GJB7: variants seen among roughly 807,000 people sequenced by gnomAD.
GJB7 encodes the protein gap junction protein beta 7.
For missense variants in GJB7, 253 were observed against 256.8 expected (o/e 0.99, Z 0.10); for synonymous variants, 87 against 95.2 (o/e 0.91, Z 0.50).
chr6:87,294,658 C>A (rs1776224197), intron 2 of GJB7, among the ~76,000 whole-genome samples: 1 of 152,160 alleles, frequency 6.6e-6, no homozygotes, highest in Non-Finnish European at 1.5e-5. Context: ...TTTGTTCTGG[C>A]CTGAATAGGG....
At chr6:87,294,494 G>C (rs1776221814) in intron 2 of GJB7, among the ~76,000 whole-genome samples, 1 of 152,272 alleles carries the variant, frequency 6.6e-6, no homozygotes, top group Admixed American at 6.5e-5. Flanking sequence ...TGGCTGCAGT[G>C]ATGGAGGTAT....
chr6:87,305,224 G>A (rs538646363), intron 2 of GJB7, among the ~76,000 whole-genome samples: 1 of 152,128 alleles, frequency 6.6e-6, no homozygotes, highest in African/African-American at 2.4e-5. Context: ...TAGGAAAAGA[G>A]GAAGTCAAAT....
intron 2 of GJB7, among the ~76,000 whole-genome samples, chr6:87,291,680 C>T (rs1022731725): frequency 1.3e-5 from 2 of 152,200 alleles, no homozygotes; most frequent in Non-Finnish European, 2.9e-5. Context: ...GGCAGCTTAT[C>T]CAGAAAGAGC....
At chr6:87,301,504 G>C in intron 2 of GJB7, among the ~76,000 whole-genome samples, 1 of 152,162 alleles carries the variant, frequency 6.6e-6, no homozygotes, top group South Asian at 2.1e-4. Context: ...CATTGCTGAG[G>C]CTTGAGTAGG....
chr6:87,297,109 C>T lies in GJB7; in HGVS notation c.-27-12170G>A, dbSNP rs143763134. On this transcript the variant is annotated intron_variant, in intron 2 of 2. Transcript: ENST00000525899. ...TGTAATTTTTCCTTCATTGCACTTC[C>T]CCTCCTGTTAGATAGAGTTGGAGTG... Among the ~76,000 whole-genome samples the T allele has an allele frequency of 9.9e-5, 15 of 152,284 alleles. No individual in the cohort carries two copies. In the East Asian group the frequency reaches 2.5e-3, roughly 25 times the overall value.
At chr6:87,303,198 G>C (rs1252357022) in intron 2 of GJB7, among the ~76,000 whole-genome samples, 2 of 152,092 alleles carry the variant, frequency 1.3e-5, no homozygotes, top group African/African-American at 4.8e-5. Flanking sequence ...AATGTAAATG[G>C]GCTAAATGCT....
chr6:87,284,689 C>G lies in GJB7; in HGVS notation c.224G>C (p.Arg75Thr), dbSNP rs201413710. 1.1e-4 allele frequency: 184 copies of G among 1,614,042 alleles called. No individual in the cohort carries two copies. Among genetic ancestry groups the G allele is most frequent in the Non-Finnish European group, 1.5e-4 (180 of 1,180,020 alleles). Residue 75 changes from arginine (R) to threonine (T), a missense_variant, in exon 3 of 3, where the codon AGA becomes ACA. Physicochemically the swap from Arg to Thr is moderately conservative, Grantham distance 71. Transcript: ENST00000525899. The part of the protein sequence containing the change: ...FDDFFPISQV[R>T]LWALQLIMVS... ...CATTATCAGTTGTAAGGCCCAAAGT[C>G]TGACTTGGGAAATGGGGAAGAAGTC... is the stretch of plus-strand genomic sequence containing the variant.
intron 2 of GJB7, among the ~76,000 whole-genome samples, chr6:87,317,352 A>G (rs1776598345): frequency 6.6e-6 from 1 of 152,282 alleles, no homozygotes; most frequent in African/African-American, 2.4e-5. Flanking sequence ...CGACAAAGCA[A>G]GACCCTGTCT....
At chr6:87,322,647 C>A (rs181011375) in intron 2 of GJB7, 2 of 152,382 alleles carry the variant, frequency 1.3e-5, no homozygotes, top group Admixed American at 6.5e-5. Context: ...GCGGCGGCTT[C>A]GGTGGTGTTG....
intron 2 of GJB7, among the ~76,000 whole-genome samples, chr6:87,296,176 G>C (rs1434108451): frequency 1.3e-5 from 2 of 152,190 alleles, no homozygotes; most frequent in Admixed American, 6.5e-5. Flanking sequence ...ATTTTATCTT[G>C]CTCCTTCCTT....
chr6:87,314,661 T>A (rs1413065994), intron 2 of GJB7, among the ~76,000 whole-genome samples: 1 of 152,156 alleles, frequency 6.6e-6, no homozygotes, highest in Non-Finnish European at 1.5e-5. Flanking sequence ...CCCCTCAGGG[T>A]CTATGGATTC....
At chr6:87,296,490 A>G (rs559302316) in intron 2 of GJB7, among the ~76,000 whole-genome samples, 67 of 152,360 alleles carry the variant, frequency 4.4e-4, no homozygotes, top group Non-Finnish European at 8.2e-4. Flanking sequence ...AGTGATTGGA[A>G]TAGACTCATT....
At chr6:87,317,391 A>G (rs1024350063) in intron 2 of GJB7, among the ~76,000 whole-genome samples, 2 of 151,138 alleles carry the variant, frequency 1.3e-5, no homozygotes, top group Non-Finnish European at 2.9e-5. Flanking sequence ...ACAAGAAATT[A>G]TCTGTTTTAA....
intron 2 of GJB7, among the ~76,000 whole-genome samples, chr6:87,315,807 A>T (rs1463827620): frequency 6.7e-6 from 1 of 149,766 alleles, no homozygotes; most frequent in South Asian, 2.2e-4. Context: ...AAAAAAAAAA[A>T]AAAAAAAAAG....
chr6:87,320,237 T>G (rs564134373), intron 2 of GJB7, among the ~76,000 whole-genome samples: 1 of 152,334 alleles, frequency 6.6e-6, no homozygotes, highest in East Asian at 1.9e-4. Context: ...CCTGATGTGA[T>G]TATTATTCAT....
At chr6:87,307,281 A>G (rs1218690512) in intron 2 of GJB7, among the ~76,000 whole-genome samples, 1 of 152,078 alleles carries the variant, frequency 6.6e-6, no homozygotes, top group African/African-American at 2.4e-5. Flanking sequence ...CCTAGAAGAA[A>G]ACATAGGCAA....
At position 87,284,471 on chromosome 6, in the gene GJB7, C is replaced by T; in HGVS notation, c.442G>A (p.Gly148Ser). The T allele has an allele frequency of 1.2e-6, 2 of 1,613,710 alleles. No homozygotes were observed. The highest frequency in any genetic ancestry group is 8.5e-7 in the Non-Finnish European group (1 of 1,179,744). ...TTTATAAGGTAGGGAACACTAAAGC[C>T]ATCATATAGCTTATAAAATAAAACA... is the stretch of plus-strand genomic sequence containing the variant. ...FLVLFYKLYDGFSVPYLIKCD... is the reference protein window; with the variant it reads ...FLVLFYKLYDSFSVPYLIKCD... The change falls in exon 3 of 3, where the codon GGC becomes AGC. Residue 148 changes from glycine to serine, a missense_variant. By Grantham distance (56) the Gly-to-Ser change is moderately conservative (BLOSUM62 0). Coordinates refer to ENST00000525899, the MANE Select transcript of GJB7 (RefSeq NM_198568.3).
chr6:87,305,437 G>A (rs1188584968), intron 2 of GJB7, among the ~76,000 whole-genome samples: 1 of 152,130 alleles, frequency 6.6e-6, no homozygotes, highest in Non-Finnish European at 1.5e-5. Context: ...TTGCCTCAAA[G>A]AGAATAAAAT....
At chr6:87,302,748 G>T (rs1445839472) in intron 2 of GJB7, among the ~76,000 whole-genome samples, 24 of 152,176 alleles carry the variant, frequency 1.6e-4, no homozygotes, top group Non-Finnish European at 3.5e-4. Context: ...AAGTTGAAAT[G>T]AAGGAAAAAA....
Sources: gnomAD v4.1 joint callset for allele counts (sites outside exome capture counted in the v4.1 genomes callset) on GRCh38, gnomAD v4.1.1 for gene constraint, MANE v1.5 for transcripts, NCBI Gene and HGNC (gene_info 2026-07-23, HGNC 2026-07-21) for gene names.